The following LDHB variants were observed in gnomAD, a reference collection of about 807,000 sequenced individuals.
LDHB encodes the protein L-lactate dehydrogenase B chain.
LDHB carries 18 observed loss-of-function variants against 33.4 expected under a neutral mutation model. That is an observed-to-expected ratio of 0.54 (90% CI 0.37 to 0.80). The LOEUF (loss-of-function observed/expected upper bound fraction) is 0.80, where lower values mean the gene tolerates loss of function less well. Ranked by LOEUF, LDHB falls within the 30% of genes least tolerant of loss-of-function variation. The pLI is 0.00. For missense variants in LDHB, 345 were observed against 407.9 expected (o/e 0.85, Z 1.33); for synonymous variants, 121 against 140.6 (o/e 0.86, Z 0.98).
At chr12:21,636,042 T>C (rs1173753347) in intron 7 of LDHB, among the ~76,000 whole-genome samples, 2 of 152,174 alleles carry the variant, frequency 1.3e-5, no homozygotes, top group South Asian at 2.1e-4. Flanking sequence ...ACATAGAATA[T>C]GCAAACATAC....
chr12:21,635,735 TTAAGACA>T, intron 7 of LDHB, 26 bp from the exon 8 acceptor site: 1 of 1,608,302 alleles, frequency 6.2e-7, no homozygotes, highest in Non-Finnish European at 8.5e-7. Context: ...AGCATCGAGA[TTAAGACA>T]TGAAACTGTA....
At chr12:21,637,282 C>T (rs1938245399) in intron 6 of LDHB, 88 bp from the exon 7 acceptor site, 1 of 1,034,368 alleles carries the variant, frequency 9.7e-7, no homozygotes, top group Non-Finnish European at 1.5e-6. Context: ...CTGTCTCTAA[C>T]TATAATCTTG....
chr12:21,650,103 A>T (rs10681435), intron 2 of LDHB, among the ~76,000 whole-genome samples: 2 of 137,040 alleles, frequency 1.5e-5, no homozygotes, highest in African/African-American at 5.7e-5. Flanking sequence ...AGAGAAAAAA[A>T]ATACACACAC....
In LDHB at chr12:21,654,532, T is replaced by G; in HGVS notation, c.129+11A>C. ...AACTTCTCTATCATCTATGGTGTTCTTGAAATGTACCTTTCCCAGAATGCT... is the reference window on the plus strand; with the variant it reads ...AACTTCTCTATCATCTATGGTGTTCGTGAAATGTACCTTTCCCAGAATGCT... On this transcript the variant is annotated intron_variant, in intron 2 of 7. Transcript: ENST00000350669. 1 of 1,613,822 alleles carries G rather than the reference T, an allele frequency of 6.2e-7. No homozygotes were observed. The highest frequency in any genetic ancestry group is 8.5e-7 in the Non-Finnish European group (1 of 1,179,694).
At chr12:21,645,538 G>A (rs1272574319) in intron 3 of LDHB, among the ~76,000 whole-genome samples, 1 of 152,208 alleles carries the variant, frequency 6.6e-6, no homozygotes, top group Non-Finnish European at 1.5e-5. Flanking sequence ...GGAGAACACT[G>A]CCTTAGGGCT....
chr12:21,654,609 G>T lies in LDHB; in HGVS notation c.63C>A (p.Asn21Lys). ...PVAEEEATVP[N>K]NKITVVGVGQ... ...CAACACCCACTACAGTGATCTTATT[G>T]TTTGGAACTGTTGCCTCTTCTTCCG... is the stretch of plus-strand genomic sequence containing the variant. The change falls in exon 2 of 8, where the codon AAC becomes AAA. Residue 21 changes from asparagine (N) to lysine (K), a missense_variant. Physicochemically the swap from Asn to Lys is moderately conservative, Grantham distance 94. Coordinates refer to ENST00000350669, the MANE Select transcript of LDHB (RefSeq NM_002300.8). 6.2e-7 allele frequency: 1 copy of T among 1,613,898 alleles called. No individual in the cohort carries two copies. Among genetic ancestry groups the T allele is most frequent in the South Asian group, 1.1e-5 (1 of 91,078 alleles).
chr12:21,647,268 T>A (rs1330612943), intron 2 of LDHB, among the ~76,000 whole-genome samples: 2 of 152,198 alleles, frequency 1.3e-5, no homozygotes, highest in Non-Finnish European at 2.9e-5. Context: ...AATACAAGTC[T>A]ATATTAATGG....
intron 2 of LDHB, among the ~76,000 whole-genome samples, chr12:21,647,244 G>C (rs186058596): frequency 6.6e-6 from 1 of 152,206 alleles, no homozygotes; most frequent in Non-Finnish European, 1.5e-5. Context: ...CTTAGTTCAA[G>C]AGTAGGCCTA....
intron 6 of LDHB, among the ~76,000 whole-genome samples, chr12:21,637,756 T>A (rs925943708): frequency 6.6e-5 from 10 of 152,000 alleles, no homozygotes; most frequent in African/African-American, 2.4e-4. Context: ...TGACACCCAA[T>A]CATTAGAAGA....
intron 3 of LDHB, among the ~76,000 whole-genome samples, chr12:21,645,731 C>T (rs1040759107): frequency 1.3e-5 from 2 of 152,118 alleles, no homozygotes; most frequent in African/African-American, 2.4e-5. Context: ...TCCCCCTCTC[C>T]GAGATACGCC....
intron 4 of LDHB, among the ~76,000 whole-genome samples, chr12:21,643,127 A>G (rs569749709): frequency 6.6e-6 from 1 of 152,282 alleles, no homozygotes; most frequent in African/African-American, 2.4e-5. Flanking sequence ...TATGGAAATA[A>G]CCTCTGTCCT....
In LDHB at chr12:21,646,992, C is replaced by G; in HGVS notation, c.154G>C (p.Val52Leu). 1 of 1,613,384 alleles carries G rather than the reference C, an allele frequency of 6.2e-7. No homozygotes were observed. Among genetic ancestry groups the G allele is most frequent in the Non-Finnish European group, 8.5e-7 (1 of 1,179,428 alleles). ...TTAAGCTTATCTTCCAAAACATCCA[C>G]AAGAGCAAGTTCATCAGCCAGAGAC... ...GKSLADELAL[V>L]DVLEDKLKGE... is the part of the protein sequence containing the mutation. Residue 52 changes from valine (V) to leucine (L), a missense_variant, in exon 3 of 8, where the codon GTG (valine) becomes CTG (leucine). Val to Leu is a conservative substitution (Grantham distance 32). Transcript: ENST00000350669.
At position 21,642,041 on chromosome 12, in the gene LDHB, G is replaced by A. The variant is rs1242683171; in HGVS notation, c.506C>T (p.Ala169Val). ...VIGSGCNLDS[A>V]RFRYLMAEKL... ...TTCAGCCATAAGGTAGCGAAATCTA[G>A]CAGAATCCAGATTACATCCACTTCC... is the stretch of plus-strand genomic sequence containing the variant. Residue 169 changes from alanine to valine, a missense_variant, in exon 5 of 8, where the codon GCT becomes GTT. Transcript: ENST00000350669. 3 of 1,613,522 alleles carry A rather than the reference G, an allele frequency of 1.9e-6. No homozygotes were observed. Among genetic ancestry groups the A allele is most frequent in the Admixed American group, 3.3e-5 (2 of 59,950 alleles).
intron 2 of LDHB, among the ~76,000 whole-genome samples, chr12:21,647,311 G>A (rs938185794): frequency 3.3e-5 from 5 of 152,132 alleles, no homozygotes; most frequent in Non-Finnish European, 7.4e-5. Context: ...ATACACTCAG[G>A]CCCAGAAACA....
Position 21,638,377 on chromosome 12 carries a change from T to A in LDHB, c.689A>T (p.Glu230Val). 1.2e-6 allele frequency: 2 copies of A among 1,604,958 alleles called. No homozygotes were observed. Among genetic ancestry groups the A allele is most frequent in the Non-Finnish European group, 1.7e-6 (2 of 1,171,982 alleles). Residue 230 changes from glutamate (E) to valine (V), a missense_variant, in exon 6 of 8, where the codon GAA becomes GTA. Glu to Val is a moderately radical substitution (Grantham distance 121, BLOSUM62 -2). Transcript: ENST00000350669. ...CCTTTCAACCACCATCTTATGCACT[T>A]CCTTCCAATTTTCACTATCATTGTC... is the stretch of plus-strand genomic sequence containing the variant. ...GTDNDSENWK[E>V]VHKMVVESAY...
chr12:21,652,130 T>C (rs940456101), intron 2 of LDHB, among the ~76,000 whole-genome samples: 1 of 152,236 alleles, frequency 6.6e-6, no homozygotes, highest in Non-Finnish European at 1.5e-5. Context: ...GTACTTCTTA[T>C]AGAATCATGA....
chr12:21,639,624 T>A (rs1165377618), intron 5 of LDHB, among the ~76,000 whole-genome samples: 2 of 152,060 alleles, frequency 1.3e-5, no homozygotes, highest in African/African-American at 4.8e-5. Context: ...ACTTTTTACA[T>A]AGTACATAGG....
intron 2 of LDHB, among the ~76,000 whole-genome samples, chr12:21,648,169 GT>G (rs1390358063): frequency 6.6e-6 from 1 of 152,096 alleles, no homozygotes; most frequent in African/African-American, 2.4e-5. Context: ...CATCACCAGA[GT>G]CCTTGCTCTT....
rs1938793225 is a variant in LDHB, at chr12:21,654,789, A to G, written c.-6-112T>C. The stretch of plus-strand genomic sequence containing the variant: ...TCGAACTGAAGTACAACTTAAAATG[A>G]GCCTAATGATATTCTAGAAAGCAGA... On this transcript the variant is annotated intron_variant, in intron 1 of 7. Transcript: ENST00000350669. The G allele has an allele frequency of 5.7e-6, 5 of 877,014 alleles. No homozygotes were observed. The Admixed American group carries it at 9.0e-5, about 16-fold the overall frequency. 54.3% of individuals were successfully genotyped at this position (877,014 alleles called of 1,614,324 possible).
Sources: allele counts gnomAD v4.1 joint callset (sites outside exome capture counted in the v4.1 genomes callset), GRCh38; gene constraint gnomAD v4.1.1; transcripts MANE v1.5; gene names NCBI Gene and HGNC (gene_info 2026-07-23, HGNC 2026-07-21).